Variants in MERTK observed in about 807,000 individuals in gnomAD.
MERTK encodes MER proto-oncogene, tyrosine kinase.
In MERTK, 69 loss-of-function variants were observed where a neutral mutation model predicts 99.3. The observed-to-expected ratio is 0.70, with a 90% CI of 0.57 to 0.85. The LOEUF is 0.85. Ranked by LOEUF, MERTK falls within the 40% of genes least tolerant of loss-of-function variation. The pLI is 0.00. For synonymous variants in MERTK, 426 were observed against 467.6 expected (o/e 0.91, Z 1.15); for missense variants, 1,125 against 1,249.4 (o/e 0.90, Z 1.50).
At chr2:111,972,956 G>A (rs994714853) in intron 6 of MERTK, among the ~76,000 whole-genome samples, 7 of 152,198 alleles carry the variant, frequency 4.6e-5, no homozygotes, top group Non-Finnish European at 7.4e-5. Context: ...ACTCTGACTC[G>A]GGACCAAATG....
intron 2 of MERTK, among the ~76,000 whole-genome samples, chr2:111,932,447 C>T (rs1219853350): frequency 6.6e-6 from 1 of 152,176 alleles, no homozygotes; most frequent in Non-Finnish European, 1.5e-5. Context: ...TCCCAAAGTG[C>T]TGGGATTATA....
At chr2:112,003,054 T>G in intron 11 of MERTK, 38 bp from the exon 12 acceptor site, 1 of 918,770 alleles carries the variant, frequency 1.1e-6, no homozygotes, top group Non-Finnish European at 1.8e-6. Context: ...GAAAACACGC[T>G]GACAATTTTT....
At chr2:111,947,289 A>AAAAT in intron 3 of MERTK, 105 bp from the exon 4 acceptor site, 1 of 1,061,214 alleles carries the variant, frequency 9.4e-7, no homozygotes, top group Non-Finnish European at 1.4e-6. Context: ...CCCCCCACAA[A>AAAAT]AAAAGAAATC....
chr2:111,992,821 G>A (rs1476633182), intron 8 of MERTK, among the ~76,000 whole-genome samples: 1 of 151,886 alleles, frequency 6.6e-6, no homozygotes, highest in Non-Finnish European at 1.5e-5. Flanking sequence ...TAAGTTCTGT[G>A]AGCCACTCTA....
chr2:111,951,144 G>A (rs965657914), intron 4 of MERTK, among the ~76,000 whole-genome samples: 1 of 151,780 alleles, frequency 6.6e-6, no homozygotes. Flanking sequence ...CGGGGGGCGG[G>A]GAGGGAGGGA....
chr2:111,946,511 A>C lies in MERTK; in HGVS notation c.584-883A>C, dbSNP rs114561350. ...CTGGCTTTCTCTGAGCTTCCTTGGGACCTTGATTTTGGAAAGTACGGTAGA... is the reference window on the plus strand; with the variant it reads ...CTGGCTTTCTCTGAGCTTCCTTGGGCCCTTGATTTTGGAAAGTACGGTAGA... On this transcript the variant is annotated intron_variant, in intron 3 of 18. Transcript: ENST00000295408. 5.4e-3 allele frequency among the ~76,000 whole-genome samples: 826 copies of C among 152,120 alleles called. 8 individuals carry two copies. The highest frequency in any genetic ancestry group is 0.019 in the African/African-American group (798 of 41,474).
At chr2:111,902,808 C>CCTCCCTCTCTT (rs1553443592) in intron 1 of MERTK, among the ~76,000 whole-genome samples, 1 of 143,940 alleles carries the variant, frequency 6.9e-6, no homozygotes, top group Non-Finnish European at 1.5e-5. Flanking sequence ...CTCCCTCCCT[C>CCTCCCTCTCTT]TATTTCTTTA....
chr2:112,007,071 C>A (rs1425454842), intron 13 of MERTK, among the ~76,000 whole-genome samples: 2 of 152,122 alleles, frequency 1.3e-5, no homozygotes, highest in Non-Finnish European at 2.9e-5. Flanking sequence ...CCATTTTAAC[C>A]ATTTTAAGTG....
At chr2:112,009,704 T>C (rs1677054802) in intron 14 of MERTK, among the ~76,000 whole-genome samples, 1 of 152,208 alleles carries the variant, frequency 6.6e-6, no homozygotes, top group African/African-American at 2.4e-5. Context: ...TAGATGGCTA[T>C]ACTTGTTACA....
At chr2:111,902,672 TC>T (rs1191710212) in intron 1 of MERTK, among the ~76,000 whole-genome samples, 1 of 152,010 alleles carries the variant, frequency 6.6e-6, no homozygotes, top group African/African-American at 2.4e-5. Flanking sequence ...TGAGAAGCCT[TC>T]CCCAATAACC....
At position 111,997,343 on chromosome 2, in the gene MERTK, T is replaced by A. The variant is rs978397888; in HGVS notation, c.1471T>A (p.Ser491Thr). 3 of 1,614,048 alleles carry A rather than the reference T, an allele frequency of 1.9e-6. No homozygotes were observed. The African/African-American group carries it at 4.0e-5, about 22-fold the overall frequency. ...PAHGWVDYAP[S>T]STPAPGNADP... ...ACCAGGTTGGGTAGATTATGCCCCC[T>A]CTTCAACTCCGGCGCCTGGCAACGC... Residue 491 changes from serine to threonine, a missense_variant, in exon 10 of 19, where the codon TCT (serine) becomes ACT (threonine). By Grantham distance (58) the Ser-to-Thr change is moderately conservative. Transcript: ENST00000295408.
chr2:112,002,774 G>A (rs1467465644), intron 11 of MERTK, among the ~76,000 whole-genome samples: 1 of 152,114 alleles, frequency 6.6e-6, no homozygotes, highest in Non-Finnish European at 1.5e-5. Context: ...AGGAGTTCGA[G>A]ACCAGCCTGG....
intron 6 of MERTK, among the ~76,000 whole-genome samples, chr2:111,973,374 G>C (rs1412145933): frequency 6.6e-6 from 1 of 151,974 alleles, no homozygotes; most frequent in Non-Finnish European, 1.5e-5. Context: ...ACAAGCGTCT[G>C]GGTTCTCGTT....
At chr2:111,962,669 A>G (rs1266230377) in intron 4 of MERTK, among the ~76,000 whole-genome samples, 4 of 152,170 alleles carry the variant, frequency 2.6e-5, no homozygotes, top group Non-Finnish European at 5.9e-5. Context: ...ATACATCATC[A>G]TTAACTAAGG....
chr2:111,996,713 T>C (rs1190213408), intron 9 of MERTK, among the ~76,000 whole-genome samples: 1 of 152,184 alleles, frequency 6.6e-6, no homozygotes, highest in South Asian at 2.1e-4. Flanking sequence ...AGCGACACTG[T>C]CAAAAAACAG....
chr2:111,925,923 C>A (rs1684559203), intron 1 of MERTK, among the ~76,000 whole-genome samples: 1 of 151,744 alleles, frequency 6.6e-6, no homozygotes, highest in African/African-American at 2.4e-5. Flanking sequence ...AGCTCCGCCT[C>A]CCGGGTTCTG....
intron 1 of MERTK, among the ~76,000 whole-genome samples, chr2:111,901,199 G>T (rs1197795520): frequency 6.6e-6 from 1 of 152,136 alleles, no homozygotes; most frequent in African/African-American, 2.4e-5. Flanking sequence ...TCTCTGAAGG[G>T]CCAGGGAGAG....
chr2:111,912,015 T>TTATG (rs1459275096), intron 1 of MERTK, among the ~76,000 whole-genome samples: 1 of 151,672 alleles, frequency 6.6e-6, no homozygotes, highest in Non-Finnish European at 1.5e-5. Context: ...ATTTATTTAT[T>TTATG]TATTTATGAC....
chr2:112,003,940 A>C lies in MERTK; in HGVS notation c.1823A>C (p.Gln608Pro), dbSNP rs1192864020. 4.3e-6 allele frequency: 7 copies of C among 1,613,722 alleles called. No homozygotes were observed. Among genetic ancestry groups the C allele is most frequent in the South Asian group, 1.1e-5 (1 of 91,086 alleles). Residue 608 changes from glutamine to proline, a missense_variant, in exon 13 of 19, where the codon CAG (glutamine) becomes CCG (proline). Physicochemically the swap from Gln to Pro is moderately conservative, Grantham distance 76. Coordinates refer to ENST00000295408, the MANE Select transcript of MERTK (RefSeq NM_006343.3). ...TCTGTAATGGAAGGAAATCTTAAGC[A>C]GGAAGATGGGACCTCTCTGAAAGTG... The part of the protein sequence containing the change: ...FGSVMEGNLK[Q>P]EDGTSLKVAV...
Sources: gnomAD v4.1 joint callset for allele counts (sites outside exome capture counted in the v4.1 genomes callset) on GRCh38, gnomAD v4.1.1 for gene constraint, MANE v1.5 for transcripts, NCBI Gene and HGNC (gene_info 2026-07-23, HGNC 2026-07-21) for gene names.